Variants in MAML3 observed in about 807,000 individuals in gnomAD.
The protein encoded by MAML3 is mastermind like transcriptional coactivator 3.
A neutral mutation model predicts 101.9 loss-of-function variants in MAML3; 27 were observed. The observed-to-expected ratio is 0.27, with a 90% CI of 0.20 to 0.37. The LOEUF (loss-of-function observed/expected upper bound fraction) is 0.37, where lower values mean the gene tolerates loss of function less well. Among genes scored for constraint, MAML3 ranks in the 10% least tolerant of loss-of-function variants. The pLI is 1.00. For missense variants in MAML3, 1,316 were observed against 1,444.9 expected (o/e 0.91, Z 1.45); for synonymous variants, 501 against 555.9 (o/e 0.90, Z 1.39).
intron 2 of MAML3, among the ~76,000 whole-genome samples, chr4:139,825,253 G>C (rs1385987211): frequency 6.6e-6 from 1 of 152,146 alleles, no homozygotes; most frequent in Admixed American, 6.6e-5. Context: ...TATTGGGGGT[G>C]GGGTGAGGGG....
intron 2 of MAML3, among the ~76,000 whole-genome samples, chr4:139,780,587 G>T (rs1730180746): frequency 6.6e-6 from 1 of 151,110 alleles, no homozygotes; most frequent in Non-Finnish European, 1.5e-5. Flanking sequence ...GTCTACATGT[G>T]GCTGTGCATG....
chr4:140,033,820 C>A (rs1287547414), intron 1 of MAML3, among the ~76,000 whole-genome samples: 1 of 152,176 alleles, frequency 6.6e-6, no homozygotes, highest in Non-Finnish European at 1.5e-5. Context: ...ACTGGGCACA[C>A]AATGGAATAA....
At position 140,142,894 on chromosome 4, in the gene MAML3, G is replaced by A. The variant is rs142596056; in HGVS notation, c.468+9966C>T. 6.4e-3 allele frequency among the ~76,000 whole-genome samples: 968 copies of A among 152,202 alleles called. 7 individuals carry two copies. Among genetic ancestry groups the A allele is most frequent in the Non-Finnish European group, 0.011 (760 of 68,004 alleles). On this transcript the variant is annotated intron_variant, in intron 1 of 4. Transcript: ENST00000509479. The stretch of plus-strand genomic sequence containing the variant: ...ATCATGATGCTACAAGGGTCACCTC[G>A]TCCCAAAAACAAGGGGGGAAAGAAA...
chr4:139,910,198 A>T (rs375264667), intron 1 of MAML3, among the ~76,000 whole-genome samples: 1 of 152,330 alleles, frequency 6.6e-6, no homozygotes, highest in East Asian at 1.9e-4. Flanking sequence ...AGCAGCCTCA[A>T]CATCACCTGG....
At chr4:139,779,788 A>T (rs1270242692) in intron 2 of MAML3, among the ~76,000 whole-genome samples, 1 of 152,238 alleles carries the variant, frequency 6.6e-6, no homozygotes. Context: ...GTCATGGCAA[A>T]TTGAGCTTGA....
intron 1 of MAML3, among the ~76,000 whole-genome samples, chr4:140,037,338 G>A (rs1727003813): frequency 6.6e-6 from 1 of 151,730 alleles, no homozygotes; most frequent in South Asian, 2.1e-4. Context: ...CGAATCCTTA[G>A]CACATTATTA....
chr4:140,025,186 T>TC (rs1726800255), intron 1 of MAML3, among the ~76,000 whole-genome samples: 1 of 152,166 alleles, frequency 6.6e-6, no homozygotes, highest in Non-Finnish European at 1.5e-5. Flanking sequence ...ATTGAGTTAA[T>TC]TTGATTATGG....
At chr4:139,891,815 C>T (rs1157618383) in intron 1 of MAML3, among the ~76,000 whole-genome samples, 1 of 152,246 alleles carries the variant, frequency 6.6e-6, no homozygotes, top group African/African-American at 2.4e-5. Context: ...CCTCACCTTT[C>T]AGAACCTTTT....
intron 1 of MAML3, among the ~76,000 whole-genome samples, chr4:140,125,748 G>A (rs976045739): frequency 6.6e-6 from 1 of 152,086 alleles, no homozygotes; most frequent in Non-Finnish European, 1.5e-5. Flanking sequence ...ATGAGCCACA[G>A]TGCCCAGCCA....
intron 1 of MAML3, among the ~76,000 whole-genome samples, chr4:140,149,449 T>G (rs920196781): frequency 1.3e-5 from 2 of 152,246 alleles, no homozygotes; most frequent in African/African-American, 4.8e-5. Flanking sequence ...TTGCTATTTT[T>G]TTGTTGTTGT....
intron 1 of MAML3, among the ~76,000 whole-genome samples, chr4:139,965,192 C>T (rs1450243638): frequency 6.8e-6 from 1 of 146,828 alleles, no homozygotes; most frequent in Admixed American, 6.7e-5. Flanking sequence ...CAAAATAACT[C>T]CCTGCTAGTT....
intron 1 of MAML3, among the ~76,000 whole-genome samples, chr4:140,082,744 A>AT (rs34036610): frequency 0.37 from 54,747 of 147,132 alleles, 10,001 homozygotes; most frequent in South Asian, 0.45. Flanking sequence ...CCACTCTAGG[A>AT]TTTTTTTTTT....
chr4:139,814,178 C>T (rs184308114), intron 2 of MAML3, among the ~76,000 whole-genome samples: 45 of 152,014 alleles, frequency 3.0e-4, no homozygotes, highest in African/African-American at 9.9e-4. Flanking sequence ...GGTAGAAAGT[C>T]GATAAGTAGT....
chr4:139,763,378 C>T (rs548645173), intron 2 of MAML3, among the ~76,000 whole-genome samples: 48 of 152,280 alleles, frequency 3.2e-4, no homozygotes, highest in African/African-American at 1.1e-3. Context: ...GGCAGCTGCT[C>T]GGAGTCGGCT....
At chr4:139,893,367 T>C (rs1211824060) in intron 1 of MAML3, among the ~76,000 whole-genome samples, 2 of 152,296 alleles carry the variant, frequency 1.3e-5, no homozygotes, top group East Asian at 3.9e-4. Context: ...TTGGATGTCC[T>C]GAAATAGGTC....
At chr4:139,886,137 C>T (rs2111193034) in intron 2 of MAML3, among the ~76,000 whole-genome samples, 1 of 151,816 alleles carries the variant, frequency 6.6e-6, no homozygotes, top group East Asian at 1.9e-4. Flanking sequence ...GATTAGGAGA[C>T]AGAATGGAAA....
At chr4:140,027,700 A>G (rs1726849043) in intron 1 of MAML3, among the ~76,000 whole-genome samples, 1 of 152,208 alleles carries the variant, frequency 6.6e-6, no homozygotes, top group Non-Finnish European at 1.5e-5. Flanking sequence ...ATACATTGCC[A>G]TTTATCATTA....
chr4:140,082,659 G>A (rs888627567), intron 1 of MAML3, among the ~76,000 whole-genome samples: 6 of 152,088 alleles, frequency 3.9e-5, no homozygotes, highest in Admixed American at 2.6e-4. Flanking sequence ...AAGTTCACAC[G>A]GGGCGGGCAC....
chr4:139,757,721 G>A (rs557407521), intron 2 of MAML3, among the ~76,000 whole-genome samples: 14 of 150,472 alleles, frequency 9.3e-5, no homozygotes, highest in Admixed American at 9.3e-4. Context: ...CTCATCTGTT[G>A]AGGGCCACCA....
Sources: gnomAD v4.1 joint callset for allele counts (sites outside exome capture counted in the v4.1 genomes callset) on GRCh38, gnomAD v4.1.1 for gene constraint, MANE v1.5 for transcripts, NCBI Gene and HGNC (gene_info 2026-07-23, HGNC 2026-07-21) for gene names.